The following HK1 variants were observed in gnomAD, a reference collection of about 807,000 sequenced individuals.
The protein encoded by HK1 is hexokinase-1.
HK1 carries 28 observed loss-of-function variants against 91.6 expected under a neutral mutation model. That is an observed-to-expected ratio of 0.31 (90% CI 0.23 to 0.42). HK1 has a LOEUF of 0.42. HK1 is among the 10% of genes least tolerant of loss of function. HK1 has a pLI of 1.00. For synonymous variants in HK1, 430 were observed against 468.1 expected (o/e 0.92, Z 1.05); for missense variants, 770 against 1,219.8 (o/e 0.63, Z 5.49).
At position 69,299,390 on chromosome 10, in the gene HK1, C is replaced by T. The variant is rs561150022; in HGVS notation, c.-66-1379C>T. Among the ~76,000 whole-genome samples, 383 of 143,352 alleles carry T rather than the reference C, an allele frequency of 2.7e-3. 21 individuals carry two copies. Among genetic ancestry groups the T allele is most frequent in the African/African-American group, 9.4e-3 (367 of 38,840 alleles). The allele number at this position is 143,352 out of a possible 152,430, so 94.0% of individuals were successfully genotyped here. Reference sequence around the variant, plus strand: ...TGTTTGTTTGTTTGTTTGTTTGAGACGGAGTCTCTCTCTGTTGCCCAGGCT... The same window carrying T: ...TGTTTGTTTGTTTGTTTGTTTGAGATGGAGTCTCTCTCTGTTGCCCAGGCT... On this transcript the variant is annotated intron_variant, in intron 4 of 21. Coordinates refer to the HK1 transcript ENST00000360289.
intron 4 of HK1, among the ~76,000 whole-genome samples, chr10:69,367,977 A>C (rs1296858600): frequency 6.6e-6 from 1 of 152,258 alleles, no homozygotes. Flanking sequence ...CACCACTTAC[A>C]AATGGCGGTT....
intron 1 of HK1, among the ~76,000 whole-genome samples, chr10:69,327,066 A>G (rs6480398): frequency 0.87 from 127,550 of 146,948 alleles, 55,788 homozygotes; most frequent in East Asian, 1. Flanking sequence ...GTGCAGTGGC[A>G]CGGTCTCAGC....
In HK1 at chr10:69,318,995, T is replaced by A. The variant is rs1423352952; in HGVS notation, c.48T>A (p.Asp16Glu). 6.2e-7 allele frequency: 1 copy of A among 1,603,158 alleles called. No individual in the cohort carries two copies. Among genetic ancestry groups the A allele is most frequent in the Non-Finnish European group, 8.5e-7 (1 of 1,175,780 alleles). The change falls in exon 1 of 18, where the codon GAT (aspartate) becomes GAA (glutamate). Residue 16 changes from aspartate (D) to glutamate (E), a missense_variant. Coordinates refer to ENST00000359426, the MANE Select transcript of HK1 (RefSeq NM_000188.3). ...CCTATTACTTCACGGAGCTGAAGGATGACCAGGTCAAAAAGGTGAGCCCCC... is the reference window on the plus strand; with the variant it reads ...CCTATTACTTCACGGAGCTGAAGGAAGACCAGGTCAAAAAGGTGAGCCCCC... ...LLAYYFTELK[D>E]DQVKKIDKYL...
At chr10:69,312,386 A>C (rs1846418521), upstream of HK1, among the ~76,000 whole-genome samples, 1 of 152,024 alleles carries the variant, frequency 6.6e-6, no homozygotes, top group Non-Finnish European at 1.5e-5. Context: ...ACAGGCTTGC[A>C]CCACCACGCC....
intron 8 of HK1, 64 bp from the exon 9 acceptor site, chr10:69,379,798 C>G (rs1455858105): frequency 8.6e-7 from 1 of 1,161,922 alleles, no homozygotes; most frequent in Admixed American, 1.7e-5. Context: ...CACCTTTGAG[C>G]CTCAGTGCTT....
At chr10:69,389,480 G>C (rs539860255) in intron 14 of HK1, 184 bp downstream of exon 14, 6 of 621,548 alleles carry the variant, frequency 9.7e-6, no homozygotes, top group African/African-American at 3.7e-5. Context: ...GGGGGGAGGT[G>C]GGGGGGCCTT....
chr10:69,386,953 A>C (rs2132909809), intron 13 of HK1, among the ~76,000 whole-genome samples: 1 of 152,186 alleles, frequency 6.6e-6, no homozygotes, highest in Non-Finnish European at 1.5e-5. Context: ...TAGAAAGGCA[A>C]ATCATGACTC....
chr10:69,311,234 G>A (rs921116351), upstream of HK1, among the ~76,000 whole-genome samples: 1 of 152,144 alleles, frequency 6.6e-6, no homozygotes, highest in African/African-American at 2.4e-5. Context: ...ATTCCAAAAG[G>A]GATGAAGGTA....
At position 69,380,645 on chromosome 10, in the gene HK1, G is replaced by A. The variant is rs1480834782; in HGVS notation, c.1265+550G>A. 5.9e-5 allele frequency among the ~76,000 whole-genome samples: 9 copies of A among 152,108 alleles called. No homozygotes were observed. The highest frequency in any genetic ancestry group is 2.2e-4 in the African/African-American group (9 of 41,418). On this transcript the variant is annotated intron_variant, in intron 9 of 17. Transcript: ENST00000359426. The surrounding 1 kb of genome is among the most constrained non-coding windows in gnomAD (Gnocchi z 4.0). ...TAAATGGGCAGCTTGTCTGTGCTTG[G>A]CCTCTGAGAGCTGGAGCTGCAGGAG...
At chr10:69,306,245 C>T (rs1846097589) in intron 5 of HK1, among the ~76,000 whole-genome samples, 1 of 151,958 alleles carries the variant, frequency 6.6e-6, no homozygotes, top group Non-Finnish European at 1.5e-5. Context: ...GTAGTCCCAG[C>T]TACTCAGGAG....
Position 69,375,912 on chromosome 10 carries a change from C to G in HK1, c.876-1022C>G, listed in dbSNP as rs553203626. 2.0e-5 allele frequency among the ~76,000 whole-genome samples: 3 copies of G among 152,336 alleles called. No individual in the cohort carries two copies. In the South Asian group the frequency reaches 6.2e-4, roughly 32 times the overall value. On this transcript the variant is annotated intron_variant, in intron 7 of 17. Coordinates refer to ENST00000359426, the MANE Select transcript of HK1 (RefSeq NM_000188.3). Reference sequence around the variant, plus strand: ...TCTCCCCTGCAGCATTGGGCTCATTCTGTCATTGGTCGGTGCTTGACCGGG... The same window carrying G: ...TCTCCCCTGCAGCATTGGGCTCATTGTGTCATTGGTCGGTGCTTGACCGGG...
At chr10:69,350,052 A>T (rs1161593489) in intron 2 of HK1, among the ~76,000 whole-genome samples, 1 of 152,052 alleles carries the variant, frequency 6.6e-6, no homozygotes, top group Non-Finnish European at 1.5e-5. Context: ...CTGCAGCCCT[A>T]GGCTGACCCC....
chr10:69,334,897 C>T (rs910293981), intron 1 of HK1, among the ~76,000 whole-genome samples: 3 of 151,982 alleles, frequency 2.0e-5, no homozygotes, highest in African/African-American at 7.2e-5. Context: ...TGGGGTGGGG[C>T]GGATCATGGC....
chr10:69,369,748 T>C lies in HK1; in HGVS notation c.875+124T>C. On this transcript the variant is annotated intron_variant, in intron 7 of 17. Coordinates refer to ENST00000359426, the MANE Select transcript of HK1 (RefSeq NM_000188.3). This position sits in a 1 kb window ranked among gnomAD's most constrained non-coding sequence, Gnocchi z 4.4. ...TCACAAACAGAAAAGCCTGTCACAT[T>C]TTTTTTTTGAGGCGGAGTCTTGCTC... 1.0e-6 allele frequency: 1 copy of C among 1,003,550 alleles called. No homozygotes were observed. Among genetic ancestry groups the C allele is most frequent in the South Asian group, 1.4e-5 (1 of 72,064 alleles). 62.2% of individuals were successfully genotyped at this position (1,003,550 alleles called of 1,614,324 possible).
chr10:69,338,585 G>A, intron 1 of HK1: 1 of 1,289,586 alleles, frequency 7.8e-7, no homozygotes, highest in Non-Finnish European at 1.0e-6. Flanking sequence ...AGTGTGGGGA[G>A]GGATTCTTCG....
chr10:69,349,897 A>C (rs1045051293), intron 2 of HK1, among the ~76,000 whole-genome samples: 1 of 152,192 alleles, frequency 6.6e-6, no homozygotes, highest in African/African-American at 2.4e-5. Flanking sequence ...AGAGAATTCT[A>C]GTTTCCTATA....
chr10:69,360,013 C>G lies in HK1; in HGVS notation c.343C>G (p.Pro115Ala). The change falls in exon 3 of 18, where the codon CCA becomes GCA. Residue 115 changes from proline (P) to alanine (A), a missense_variant. By Grantham distance (27) the Pro-to-Ala change is conservative (BLOSUM62 -1). Around this residue, in one of 7 missense-constraint regions of HK1, gnomAD observed 449 missense variants for 665.1 expected, o/e 0.68. Coordinates refer to ENST00000359426, the MANE Select transcript of HK1 (RefSeq NM_000188.3). Reference protein sequence around the residue: ...VHMESEVYDTPENIVHGSGSQ... With the variant: ...VHMESEVYDTAENIVHGSGSQ... ...CATGGAGTCCGAGGTTTATGACACC[C>G]CAGAGAACATCGTGCACGGCAGTGG... is the stretch of plus-strand genomic sequence containing the variant. 2 of 1,614,164 alleles carry G rather than the reference C, an allele frequency of 1.2e-6. No individual in the cohort carries two copies. Among genetic ancestry groups the G allele is most frequent in the Non-Finnish European group, 1.7e-6 (2 of 1,179,998 alleles).
At chr10:69,279,552 G>A (rs994478021) in intron 1 of HK1, among the ~76,000 whole-genome samples, 2 of 152,026 alleles carry the variant, frequency 1.3e-5, no homozygotes, top group African/African-American at 4.8e-5. Flanking sequence ...TATGTAGATC[G>A]AATGTTTGAT....
intron 2 of HK1, among the ~76,000 whole-genome samples, chr10:69,358,795 C>A (rs10762284): frequency 7.3e-5 from 11 of 150,178 alleles, no homozygotes; most frequent in East Asian, 2.0e-4. Flanking sequence ...CCTGGGAGGC[C>A]AAGGTTGCAG....
Sources: gnomAD v4.1 joint callset for allele counts (sites outside exome capture counted in the v4.1 genomes callset) on GRCh38, gnomAD v4.1.1 for gene constraint, gnomAD v4.1.1 regional missense constraint, Gnocchi (gnomAD v3.1) non-coding constraint, MANE v1.5 for transcripts, NCBI Gene and HGNC (gene_info 2026-07-23, HGNC 2026-07-21) for gene names.